The following WDR27 variants were observed in gnomAD, a reference collection of about 807,000 sequenced individuals.
The protein encoded by WDR27 is WD repeat-containing protein 27.
WDR27 carries 100 observed loss-of-function variants against 114.4 expected under a neutral mutation model. That is an observed-to-expected ratio of 0.87 (90% CI 0.74 to 1.03). WDR27 has a LOEUF of 1.03. Ranked by LOEUF, WDR27 falls within the 50% of genes least tolerant of loss-of-function variation. The pLI, the probability that WDR27 is intolerant of heterozygous loss-of-function variation, is 0.00. For missense variants in WDR27, 1,129 were observed against 1,092.9 expected, an observed-to-expected ratio of 1.03 and a Z score of -0.47; for synonymous variants, 449 against 423.1, an observed-to-expected ratio of 1.06 and a Z score of -0.75.
Position 169,638,130 on chromosome 6 carries a change from C to G in WDR27, c.1869+409G>C, listed in dbSNP as rs1271024441. ...AGGAGATCGAGACCATCCTGGCTAA[C>G]AAGGTGAAACCCCGTCTCTACTAAA... On this transcript the variant is annotated intron_variant, in intron 18 of 25. Transcript: ENST00000448612. Among the ~76,000 whole-genome samples the G allele has an allele frequency of 4.8e-5, 4 of 84,070 alleles. 1 individual carries two copies. The Middle Eastern group carries it at 0.024, about 500-fold the overall frequency. 55.2% of individuals were successfully genotyped at this position (84,070 alleles called of 152,430 possible).
chr6:169,491,643 G>C (rs1442183718), intron 25 of WDR27, among the ~76,000 whole-genome samples: 2 of 152,114 alleles, frequency 1.3e-5, no homozygotes, highest in Admixed American at 6.6e-5. Context: ...TAAGCAGGAA[G>C]GGCAGGGAGC....
chr6:169,691,971 A>G (rs1399883707), intron 1 of WDR27, among the ~76,000 whole-genome samples: 1 of 152,230 alleles, frequency 6.6e-6, no homozygotes, highest in Non-Finnish European at 1.5e-5. Context: ...AAAATGAAAG[A>G]ATTCACAGAT....
intron 25 of WDR27, among the ~76,000 whole-genome samples, chr6:169,461,957 TTAC>T (rs1230653424): frequency 2.0e-5 from 3 of 152,020 alleles, no homozygotes; most frequent in African/African-American, 7.2e-5. Context: ...GTTATGGACA[TTAC>T]TACTAATTCT....
chr6:169,667,282 A>T (rs1828118256), intron 5 of WDR27, 95 bp from the exon 6 acceptor site: 3 of 1,302,742 alleles, frequency 2.3e-6, no homozygotes, highest in Non-Finnish European at 2.9e-6. Context: ...CAGATTAGTC[A>T]ACACAAATGG....
intron 23 of WDR27, among the ~76,000 whole-genome samples, chr6:169,585,142 T>A (rs957332727): frequency 2.6e-5 from 4 of 152,142 alleles, no homozygotes; most frequent in Non-Finnish European, 5.9e-5. Context: ...TATTTTACCA[T>A]ACATAAAAAT....
the WDR27 span, among the ~76,000 whole-genome samples, chr6:169,429,975 C>T: frequency 1.1e-4 from 16 of 152,186 alleles, no homozygotes; most frequent in Non-Finnish European, 7.3e-5. Context: ...GATTTCCCTT[C>T]GAGTTGTGTT....
At position 169,659,001 on chromosome 6, in the gene WDR27, T is replaced by C; in HGVS notation, c.1319+85A>G. 1.4e-6 allele frequency: 2 copies of C among 1,460,348 alleles called. No individual in the cohort carries two copies. Among genetic ancestry groups the C allele is most frequent in the Non-Finnish European group, 1.8e-6 (2 of 1,109,116 alleles). The allele number at this position is 1,460,348 out of a possible 1,614,324, so 90.5% of individuals were successfully genotyped here. On this transcript the variant is annotated intron_variant, in intron 12 of 25. Coordinates refer to ENST00000448612, the MANE Select transcript of WDR27 (RefSeq NM_182552.5). The surrounding 1 kb of genome is among the most constrained non-coding windows in gnomAD (Gnocchi z 4.3). ...CGCGCCCGGCCAGAGCTCAGAGTTT[T>C]CTAATCTTTATTTCTGAACATAGAA... is the stretch of plus-strand genomic sequence containing the variant.
Position 169,550,230 on chromosome 6 carries a change from A to C in WDR27, c.2645+22189T>G, listed in dbSNP as rs547869612. Among the ~76,000 whole-genome samples, 19 of 152,324 alleles carry C rather than the reference A, an allele frequency of 1.2e-4. No individual in the cohort carries two copies. In the South Asian group the frequency reaches 1.9e-3, roughly 15 times the overall value. The stretch of plus-strand genomic sequence containing the variant: ...TTTCAGAAAAGCTGCACATATCGTT[A>C]TAAGAGTGTTCAGTTACTTTGTATG... On this transcript the variant is annotated intron_variant, in intron 25 of 25. Coordinates refer to ENST00000448612, the MANE Select transcript of WDR27 (RefSeq NM_182552.5).
chr6:169,697,129 C>T (rs187477076), intron 1 of WDR27, among the ~76,000 whole-genome samples: 1 of 152,240 alleles, frequency 6.6e-6, no homozygotes, highest in East Asian at 1.9e-4. Flanking sequence ...ATATGAATAT[C>T]ATTAATCATT....
At chr6:169,647,046 C>T (rs1472804724) in intron 16 of WDR27, among the ~76,000 whole-genome samples, 1 of 152,154 alleles carries the variant, frequency 6.6e-6, no homozygotes, top group Admixed American at 6.5e-5. Context: ...GTGTCCAGCC[C>T]CAGGCAGGGG....
At chr6:169,695,215 T>C (rs780279059) in intron 1 of WDR27, among the ~76,000 whole-genome samples, 4 of 152,174 alleles carry the variant, frequency 2.6e-5, no homozygotes, top group Admixed American at 2.0e-4. Context: ...TTTAAACAAA[T>C]GGACACCACA....
intron 25 of WDR27, among the ~76,000 whole-genome samples, chr6:169,539,171 G>A (rs898212379): frequency 1.3e-5 from 2 of 152,032 alleles, no homozygotes; most frequent in African/African-American, 2.4e-5. Flanking sequence ...TGTTTCCGTC[G>A]CACAGCCCCC....
In WDR27 at chr6:169,457,497, C is replaced by T. The variant is rs1481666061; in HGVS notation, c.*95G>A. ...CTCAAAATATGAAAAACAGTTGCTG[C>T]TTCTGGCCCCCTGATGGATGAACCA... On this transcript the variant is annotated 3_prime_UTR_variant, in exon 26 of 26. Coordinates refer to ENST00000448612, the MANE Select transcript of WDR27 (RefSeq NM_182552.5). 3.7e-6 allele frequency: 4 copies of T among 1,080,092 alleles called. No homozygotes were observed. The highest frequency in any genetic ancestry group is 1.6e-5 in the African/African-American group (1 of 61,184). The allele number at this position is 1,080,092 out of a possible 1,614,324, so 66.9% of individuals were successfully genotyped here.
chr6:169,452,232 A>G (rs1350385301), downstream of WDR27, among the ~76,000 whole-genome samples: 1 of 152,224 alleles, frequency 6.6e-6, no homozygotes, highest in African/African-American at 2.4e-5. Context: ...GGAGTCACCC[A>G]CGCCTTACTC....
intron 25 of WDR27, among the ~76,000 whole-genome samples, chr6:169,477,204 G>A (rs1201757064): frequency 1.3e-5 from 2 of 152,222 alleles, no homozygotes; most frequent in African/African-American, 4.8e-5. Context: ...TAGTCAAGAT[G>A]CATTTTAAGA....
Position 169,647,813 on chromosome 6 carries a change from G to A in WDR27, c.1617C>T (p.Ala539=), listed in dbSNP as rs752290061. The A allele has an allele frequency of 5.2e-5, 83 of 1,584,874 alleles. No homozygotes were observed. The highest frequency in any genetic ancestry group is 6.7e-5 in the Non-Finnish European group (78 of 1,166,716). ...VPTKPGPQVA[A]APTCTRVCCI... The stretch of plus-strand genomic sequence containing the variant: ...AGCATACACGTGTGCAGGTGGGGGC[G>A]GCAGCGACCTGGGGGCCGGGCTTGG... Residue 539 remains alanine (A), a synonymous_variant, in exon 16 of 26, where the codon GCC becomes GCT. Transcript: ENST00000448612.
At chr6:169,593,786 T>G (rs1363954864) in intron 23 of WDR27, among the ~76,000 whole-genome samples, 1 of 151,954 alleles carries the variant, frequency 6.6e-6, no homozygotes, top group Non-Finnish European at 1.5e-5. Context: ...GAGGCGGAGG[T>G]TACAGTGAGC....
At position 169,694,847 on chromosome 6, in the gene WDR27, A is replaced by C. The variant is rs575098780; in HGVS notation, c.-7-5835T>G. On this transcript the variant is annotated intron_variant, in intron 1 of 25. Coordinates refer to ENST00000448612, the MANE Select transcript of WDR27 (RefSeq NM_182552.5). ...CCACCGTTGCAGGGCGCTGCGGAAG[A>C]AAGCATCTCTTTCCATTGATCCTTG... 7.9e-4 allele frequency among the ~76,000 whole-genome samples: 121 copies of C among 152,258 alleles called. 1 individual carries two copies. The highest frequency in any genetic ancestry group is 1.5e-3 in the Non-Finnish European group (99 of 68,044).
At chr6:169,433,355 C>T in the WDR27 span, among the ~76,000 whole-genome samples, 5 of 152,276 alleles carry the variant, frequency 3.3e-5, no homozygotes, top group Admixed American at 2.6e-4. Flanking sequence ...GTTTTCTGTT[C>T]CTGTGTTAGT....
Sources: gnomAD v4.1 joint callset for allele counts (sites outside exome capture counted in the v4.1 genomes callset) on GRCh38, gnomAD v4.1.1 for gene constraint, Gnocchi (gnomAD v3.1) non-coding constraint, MANE v1.5 for transcripts, NCBI Gene and HGNC (gene_info 2026-07-23, HGNC 2026-07-21) for gene names.